Variants in SLIT3 observed in about 807,000 individuals in gnomAD.
SLIT3 encodes the protein slit guidance ligand 3.
A neutral mutation model predicts 184.0 loss-of-function variants in SLIT3; 68 were observed. The observed-to-expected ratio is 0.37, with a 90% CI of 0.30 to 0.45. The LOEUF (loss-of-function observed/expected upper bound fraction) is 0.45. Ranked by LOEUF, SLIT3 falls within the 20% of genes least tolerant of loss-of-function variation. The pLI is 1.00. For missense variants in SLIT3, 1,707 were observed against 2,026.0 expected, an observed-to-expected ratio of 0.84 and a Z score of 3.02; for synonymous variants, 831 against 828.6, an observed-to-expected ratio of 1.00 and a Z score of -0.05.
At chr5:169,002,152 A>T (rs1755725235) in intron 4 of SLIT3, among the ~76,000 whole-genome samples, 1 of 151,608 alleles carries the variant, frequency 6.6e-6, no homozygotes, top group Non-Finnish European at 1.5e-5. Context: ...CATTTCTACT[A>T]AAAATAAAAA....
chr5:168,747,944 G>C (rs572014835), intron 20 of SLIT3, among the ~76,000 whole-genome samples: 1 of 151,984 alleles, frequency 6.6e-6, no homozygotes. Context: ...ATCAGACTGA[G>C]AGACTGCTGA....
At chr5:169,246,497 A>G (rs940552049) in intron 2 of SLIT3, among the ~76,000 whole-genome samples, 16 of 152,230 alleles carry the variant, frequency 1.1e-4, no homozygotes, top group Admixed American at 6.5e-4. Context: ...TTAACTAGCC[A>G]ACCTCTCTCA....
intron 23 of SLIT3, among the ~76,000 whole-genome samples, chr5:168,721,372 G>C (rs1561893264): frequency 6.6e-6 from 1 of 152,200 alleles, no homozygotes; most frequent in Non-Finnish European, 1.5e-5. Context: ...GTGAATATTT[G>C]TTAAGCATTT....
At chr5:169,258,961 T>C (rs369710250) in intron 1 of SLIT3, among the ~76,000 whole-genome samples, 1 of 152,246 alleles carries the variant, frequency 6.6e-6, no homozygotes. Context: ...CTTAGCTATG[T>C]GGCTTTGAGA....
intron 20 of SLIT3, among the ~76,000 whole-genome samples, chr5:168,744,688 G>C (rs1763747435): frequency 6.6e-6 from 1 of 152,176 alleles, no homozygotes; most frequent in Non-Finnish European, 1.5e-5. Context: ...ACTGGATGAT[G>C]GCATGTCTGT....
chr5:168,902,829 G>C (rs1342896672), intron 4 of SLIT3, among the ~76,000 whole-genome samples: 1 of 152,206 alleles, frequency 6.6e-6, no homozygotes, highest in South Asian at 2.1e-4. Context: ...AATTTGAGAA[G>C]CAGATGAAGG....
intron 5 of SLIT3, among the ~76,000 whole-genome samples, chr5:168,870,361 T>C (rs1207840047): frequency 6.6e-6 from 1 of 152,114 alleles, no homozygotes; most frequent in Non-Finnish European, 1.5e-5. Flanking sequence ...CCCTAACCAG[T>C]CCCAAGGATA....
In SLIT3 at chr5:168,671,234, C is replaced by T. The variant is rs1196516396; in HGVS notation, c.4091G>A (p.Cys1364Tyr). Residue 1364 changes from cysteine to tyrosine, a missense_variant, in exon 34 of 36, where the codon TGC (cysteine) becomes TAC (tyrosine). Around this residue, in one of 3 missense-constraint regions of SLIT3, gnomAD observed 387 missense variants for 477.9 expected, o/e 0.81. Coordinates refer to ENST00000519560, the MANE Select transcript of SLIT3 (RefSeq NM_003062.4). ...GCAGGGGTCCCGGGCCTCCTGATCG[C>T]AGAGTGGGCCGGTCCAGCCTGGGCG... The part of the protein sequence containing the change: ...ECRPGWTGPL[C>Y]DQEARDPCLG... 6.2e-7 allele frequency: 1 copy of T among 1,612,050 alleles called. No homozygotes were observed. The highest frequency in any genetic ancestry group is 8.5e-7 in the Non-Finnish European group (1 of 1,178,956).
chr5:168,746,348 G>GGTGTGTGGTGGTGTGTGGTGT (rs1763807921), intron 20 of SLIT3, among the ~76,000 whole-genome samples: 1 of 49,520 alleles, frequency 2.0e-5, no homozygotes, highest in African/African-American at 8.4e-5. Flanking sequence ...TGGTGGTGTG[G>GGTGTGTGGTGGTGTGTGGTGT]GTGTGTGGTG....
At position 169,002,322 on chromosome 5, in the gene SLIT3, C is replaced by CAAAAAAAAAA. The variant is rs397999882; in HGVS notation, c.414-118996_414-118987dup. Among the ~76,000 whole-genome samples the CAAAAAAAAAA allele has an allele frequency of 4.5e-3, 108 of 24,204 alleles. 5 individuals are homozygous for CAAAAAAAAAA. The highest frequency in any genetic ancestry group is 0.056 in the Middle Eastern group (1 of 18). 15.9% of individuals were successfully genotyped at this position (24,204 alleles called of 152,430 possible). A position where few individuals can be genotyped will look rare whatever the true frequency, so the allele number is the denominator to read the frequency against. On this transcript the variant is annotated intron_variant, in intron 4 of 35. Coordinates refer to ENST00000519560, the MANE Select transcript of SLIT3 (RefSeq NM_003062.4). ...TGAGCAACAGAACGAGACTCTGTCT[C>CAAAAAAAAAA]AAAAAAAAAAAAAAAAAAAAAAAAA...
Position 169,300,874 on chromosome 5 carries a change from G to T in SLIT3, c.-165C>A. 3.9e-6 allele frequency: 2 copies of T among 507,502 alleles called. No homozygotes were observed. The highest frequency in any genetic ancestry group is 5.7e-6 in the Non-Finnish European group (2 of 349,068). 31.4% of individuals were successfully genotyped at this position (507,502 alleles called of 1,614,324 possible). A position where few individuals can be genotyped will look rare whatever the true frequency, so the allele number is the denominator to read the frequency against. On this transcript the variant is annotated 5_prime_UTR_variant, in exon 1 of 36. Coordinates refer to ENST00000519560, the MANE Select transcript of SLIT3 (RefSeq NM_003062.4). The surrounding 1 kb of genome is among the most constrained non-coding windows in gnomAD (Gnocchi z 4.1). ...AGGCGCACGGGGCGCGGGCGGAGCG[G>T]GGCGCTCCGGGCGGCGGCGGCGGCA...
At chr5:168,941,606 GA>G (rs1244091338) in intron 4 of SLIT3, among the ~76,000 whole-genome samples, 3 of 152,180 alleles carry the variant, frequency 2.0e-5, no homozygotes, top group African/African-American at 7.2e-5. Context: ...CCCAAGTGGA[GA>G]AATGGAAATC....
intron 4 of SLIT3, among the ~76,000 whole-genome samples, chr5:168,947,152 T>C (rs563649953): frequency 1.8e-3 from 277 of 150,482 alleles, no homozygotes; most frequent in African/African-American, 6.5e-3. Context: ...CACACACACA[T>C]AAATATGCAA....
chr5:169,258,438 G>A (rs1265676998), intron 1 of SLIT3, among the ~76,000 whole-genome samples: 1 of 152,220 alleles, frequency 6.6e-6, no homozygotes, highest in East Asian at 1.9e-4. Context: ...TCCCAGTGAA[G>A]TCCTGGCCAA....
intron 4 of SLIT3, among the ~76,000 whole-genome samples, chr5:169,167,171 T>TAAAAAC (rs1020203416): frequency 1.5e-4 from 23 of 149,868 alleles, no homozygotes; most frequent in African/African-American, 4.7e-4. Context: ...CCCTGTCTCT[T>TAAAAAC]AAAAACAAAA....
intron 4 of SLIT3, among the ~76,000 whole-genome samples, chr5:168,964,011 C>T (rs1190855473): frequency 6.6e-6 from 1 of 152,098 alleles, no homozygotes; most frequent in African/African-American, 2.4e-5. Context: ...GGAGTTGTCC[C>T]TAGTTATAAT....
intron 6 of SLIT3, among the ~76,000 whole-genome samples, chr5:168,830,696 T>A (rs1757854174): frequency 1.3e-5 from 2 of 152,240 alleles, no homozygotes; most frequent in Admixed American, 6.5e-5. Context: ...TACTTCCACT[T>A]GGAAGCCCAG....
intron 9 of SLIT3, among the ~76,000 whole-genome samples, chr5:168,805,046 A>G (rs1171579681): frequency 6.6e-6 from 1 of 151,874 alleles, no homozygotes; most frequent in Non-Finnish European, 1.5e-5. Flanking sequence ...TTCTTATTTT[A>G]TTTTTCTCCA....
At chr5:168,807,820 G>T (rs1757024209) in intron 8 of SLIT3, among the ~76,000 whole-genome samples, 1 of 152,194 alleles carries the variant, frequency 6.6e-6, no homozygotes, top group Non-Finnish European at 1.5e-5. Flanking sequence ...TAGCTACAGG[G>T]ATTGAGCCAG....
Sources: gnomAD v4.1 joint callset for allele counts (sites outside exome capture counted in the v4.1 genomes callset) on GRCh38, gnomAD v4.1.1 for gene constraint, gnomAD v4.1.1 regional missense constraint, Gnocchi (gnomAD v3.1) non-coding constraint, MANE v1.5 for transcripts, NCBI Gene and HGNC (gene_info 2026-07-23, HGNC 2026-07-21) for gene names.